Variants in NOL4 observed in about 807,000 individuals in gnomAD.
NOL4 encodes nucleolar protein 4.
A neutral mutation model predicts 75.9 loss-of-function variants in NOL4; 17 were observed. The observed-to-expected ratio is 0.22, with a 90% CI of 0.15 to 0.34. NOL4 has a LOEUF of 0.34. Among genes scored for constraint, NOL4 ranks in the 10% least tolerant of loss-of-function variants. NOL4 has a pLI of 1.00. For synonymous variants in NOL4, 292 were observed against 289.9 expected (o/e 1.01, Z -0.07); for missense variants, 614 against 793.5 (o/e 0.77, Z 2.72).
intron 6 of NOL4, among the ~76,000 whole-genome samples, chr18:33,996,553 G>A (rs2073297976): frequency 6.6e-6 from 1 of 151,736 alleles, no homozygotes; most frequent in Non-Finnish European, 1.5e-5. Context: ...CCAATAGGTA[G>A]CACTTCAACA....
chr18:34,195,667 T>C (rs2035275863), intron 1 of NOL4, among the ~76,000 whole-genome samples: 2 of 152,232 alleles, frequency 1.3e-5, no homozygotes, highest in East Asian at 3.9e-4. Context: ...CAAAGCTTTG[T>C]ACCGGTGTGT....
At chr18:34,023,591 G>A (rs1340934482) in intron 5 of NOL4, 1 of 398,142 alleles carries the variant, frequency 2.5e-6, no homozygotes, top group Non-Finnish European at 5.3e-6. Flanking sequence ...CAAAGACTCT[G>A]TATATGAGTC....
intron 2 of NOL4, among the ~76,000 whole-genome samples, chr18:34,125,198 T>A (rs2080330293): frequency 6.6e-6 from 1 of 152,192 alleles, no homozygotes. Flanking sequence ...CTTGAGGCAC[T>A]ATGACACAGA....
chr18:33,883,335 C>T lies in NOL4; in HGVS notation c.1632G>A (p.Val544=). ...STSAVPGSQD[V]LYINGNGTYS... is the part of the protein sequence containing the mutation. ...AGGTCCCATTTCCATTGATGTACAG[C>T]ACGTCCTGTGAGCCTGGAACAGCTG... The change falls in exon 10 of 11, where the codon GTG becomes GTA. Residue 544 remains valine, a synonymous_variant. Coordinates refer to ENST00000261592, the MANE Select transcript of NOL4 (RefSeq NM_003787.5). 6.2e-7 allele frequency: 1 copy of T among 1,613,348 alleles called. No homozygotes were observed. Among genetic ancestry groups the T allele is most frequent in the South Asian group, 1.1e-5 (1 of 91,048 alleles).
At chr18:33,940,700 A>G (rs1259849666) in intron 9 of NOL4, among the ~76,000 whole-genome samples, 1 of 151,898 alleles carries the variant, frequency 6.6e-6, no homozygotes, top group Non-Finnish European at 1.5e-5. Context: ...CAAAAAACAA[A>G]ACAAAACAAA....
rs527526706 is a variant in NOL4, at chr18:33,883,671, A to G, written c.1543-247T>C. On this transcript the variant is annotated intron_variant, in intron 9 of 10. Transcript: ENST00000261592. Reference sequence around the variant, plus strand: ...TTTCAATTGAATATAAAATGACATGAAGAAAGTTACTCACAATAACCAAGT... The same window carrying G: ...TTTCAATTGAATATAAAATGACATGGAGAAAGTTACTCACAATAACCAAGT... Among the ~76,000 whole-genome samples the G allele has an allele frequency of 2.0e-5, 3 of 152,260 alleles. No homozygotes were observed. In the East Asian group the frequency reaches 5.8e-4, roughly 30 times the overall value.
At chr18:33,952,506 T>C (rs1277117587) in intron 8 of NOL4, among the ~76,000 whole-genome samples, 1 of 152,216 alleles carries the variant, frequency 6.6e-6, no homozygotes, top group African/African-American at 2.4e-5. Context: ...AGTACCCCAA[T>C]AGCCCTATCC....
intron 1 of NOL4, among the ~76,000 whole-genome samples, chr18:34,214,292 A>G (rs2036721033): frequency 6.6e-6 from 1 of 152,006 alleles, no homozygotes; most frequent in Admixed American, 6.6e-5. Context: ...TCAGCCCAAT[A>G]TATTTGTACT....
At chr18:34,082,969 C>A (rs1177710153) in intron 5 of NOL4, among the ~76,000 whole-genome samples, 1 of 152,100 alleles carries the variant, frequency 6.6e-6, no homozygotes, top group Non-Finnish European at 1.5e-5. Flanking sequence ...AAAGACATAA[C>A]AATGCAGTGG....
chr18:34,069,288 G>A (rs1434738385), intron 5 of NOL4, among the ~76,000 whole-genome samples: 1 of 152,102 alleles, frequency 6.6e-6, no homozygotes, highest in African/African-American at 2.4e-5. Context: ...GATTGGACAT[G>A]GGTAAAGAAT....
intron 6 of NOL4, among the ~76,000 whole-genome samples, chr18:34,002,859 G>T (rs2073811620): frequency 6.6e-6 from 1 of 151,876 alleles, no homozygotes; most frequent in Non-Finnish European, 1.5e-5. Flanking sequence ...TTCCATTAAG[G>T]GCTCACATTT....
At chr18:33,949,917 A>C (rs2069095696) in intron 8 of NOL4, among the ~76,000 whole-genome samples, 1 of 152,066 alleles carries the variant, frequency 6.6e-6, no homozygotes. Context: ...ACACAGGATC[A>C]ACTAAATTAA....
intron 6 of NOL4, among the ~76,000 whole-genome samples, chr18:34,001,086 T>C (rs896708402): frequency 2.6e-5 from 4 of 152,124 alleles, no homozygotes; most frequent in Non-Finnish European, 5.9e-5. Flanking sequence ...ATTAGGACAA[T>C]ATATCTTAAT....
intron 2 of NOL4, 97 bp from the exon 3 acceptor site, chr18:34,105,257 C>T: frequency 7.7e-6 from 6 of 782,612 alleles, no homozygotes; most frequent in Non-Finnish European, 1.1e-5. Context: ...ACACGTTATT[C>T]CATAATGGCA....
At chr18:34,050,533 T>A (rs1292438082) in intron 5 of NOL4, among the ~76,000 whole-genome samples, 1 of 152,122 alleles carries the variant, frequency 6.6e-6, no homozygotes, top group Non-Finnish European at 1.5e-5. Context: ...ATATTGTTTG[T>A]AGAAAAAATT....
In NOL4 at chr18:34,035,302, G is replaced by A. The variant is rs187781321; in HGVS notation, c.773-15701C>T. Among the ~76,000 whole-genome samples the A allele has an allele frequency of 1.4e-4, 21 of 152,074 alleles. 1 individual carries two copies. The highest frequency in any genetic ancestry group is 1.0e-3 in the South Asian group (5 of 4,820). ...TAATGGAATAAAACTAAAAATCAAC[G>A]CCAAGTTAAACTTTGGAAACTTATA... On this transcript the variant is annotated intron_variant, in intron 5 of 10. Coordinates refer to ENST00000261592, the MANE Select transcript of NOL4 (RefSeq NM_003787.5).
chr18:33,988,495 T>TG (rs999144326), intron 6 of NOL4, among the ~76,000 whole-genome samples: 1 of 151,546 alleles, frequency 6.6e-6, no homozygotes, highest in African/African-American at 2.4e-5. Flanking sequence ...GCAGGAGAGG[T>TG]GGGGGCAGCT....
intron 1 of NOL4, among the ~76,000 whole-genome samples, chr18:34,142,327 C>A (rs540431300): frequency 6.6e-6 from 1 of 152,324 alleles, no homozygotes; most frequent in African/African-American, 2.4e-5. Flanking sequence ...CATCCCATTA[C>A]TGGGGATATA....
intron 1 of NOL4, 79 bp downstream of exon 1, chr18:34,222,909 CCT>C (rs1187413160): frequency 1.9e-6 from 3 of 1,546,100 alleles, no homozygotes; most frequent in Non-Finnish European, 2.6e-6. Context: ...CACGGCTCCC[CCT>C]CTCTCCCGCC....
Sources: allele counts gnomAD v4.1 joint callset (sites outside exome capture counted in the v4.1 genomes callset), GRCh38; gene constraint gnomAD v4.1.1; transcripts MANE v1.5; gene names NCBI Gene and HGNC (gene_info 2026-07-23, HGNC 2026-07-21).